The following CCDC170 variants were observed in gnomAD, a reference collection of about 807,000 sequenced individuals.
CCDC170 encodes the protein coiled-coil domain-containing protein 170.
CCDC170 carries 69 observed loss-of-function variants against 72.6 expected under a neutral mutation model. The observed-to-expected ratio is 0.95, with a 90% CI of 0.78 to 1.16. The LOEUF (loss-of-function observed/expected upper bound fraction) is 1.16, where lower values mean the gene tolerates loss of function less well. CCDC170 is among the 50% of genes most tolerant of loss of function. The pLI, the probability that CCDC170 is intolerant of heterozygous loss-of-function variation, is 0.00. For synonymous variants in CCDC170, 300 were observed against 303.9 expected (o/e 0.99, Z 0.13); for missense variants, 852 against 832.5 (o/e 1.02, Z -0.29).
chr6:151,616,921 C>G (rs1008687953), intron 10 of CCDC170, among the ~76,000 whole-genome samples: 4 of 152,190 alleles, frequency 2.6e-5, no homozygotes, highest in African/African-American at 9.6e-5. Flanking sequence ...AAGGCCCCAC[C>G]TCCTAATAGC....
At chr6:151,574,988 T>C (rs1776280751) in intron 6 of CCDC170, among the ~76,000 whole-genome samples, 1 of 152,098 alleles carries the variant, frequency 6.6e-6, no homozygotes, top group South Asian at 2.1e-4. Flanking sequence ...TGGAGAAAAA[T>C]GGTTTAATTC....
At chr6:151,532,499 C>T (rs944988581) in intron 1 of CCDC170, among the ~76,000 whole-genome samples, 18 of 151,350 alleles carry the variant, frequency 1.2e-4, no homozygotes, top group East Asian at 3.9e-4. Context: ...CCCAGCTACT[C>T]GGGAGGCTGA....
chr6:151,567,539 A>G (rs771685706), intron 5 of CCDC170, among the ~76,000 whole-genome samples: 1 of 152,202 alleles, frequency 6.6e-6, no homozygotes, highest in African/African-American at 2.4e-5. Flanking sequence ...TCTGAAACAA[A>G]TGTGTTTTCA....
At chr6:151,615,200 A>T (rs529248533) in intron 9 of CCDC170, among the ~76,000 whole-genome samples, 207 of 152,308 alleles carry the variant, frequency 1.4e-3, no homozygotes, top group South Asian at 3.3e-3. Flanking sequence ...TGCTGTCTAC[A>T]GTTTTATCTC....
chr6:151,570,104 T>G (rs1021148408), intron 5 of CCDC170, among the ~76,000 whole-genome samples: 2 of 152,238 alleles, frequency 1.3e-5, no homozygotes, highest in Admixed American at 6.5e-5. Context: ...AAATTCCTCA[T>G]AGTTGAAATA....
intron 5 of CCDC170, among the ~76,000 whole-genome samples, chr6:151,570,633 G>A (rs1379897167): frequency 1.3e-5 from 2 of 152,142 alleles, no homozygotes; most frequent in South Asian, 2.1e-4. Context: ...CATATCTTCC[G>A]GGGTCCTAGA....
At chr6:151,499,002 T>C (rs576887584) in intron 1 of CCDC170, among the ~76,000 whole-genome samples, 320 of 148,338 alleles carry the variant, frequency 2.2e-3, no homozygotes, top group African/African-American at 7.7e-3. Context: ...GGAATCAGAC[T>C]GTATTTGACT....
chr6:151,540,864 C>CT (rs1302813675), intron 3 of CCDC170, among the ~76,000 whole-genome samples: 3 of 152,184 alleles, frequency 2.0e-5, no homozygotes, highest in African/African-American at 7.2e-5. Context: ...TTTCCTGCCT[C>CT]TGACTGTGCC....
At chr6:151,587,120 C>A (rs915686033) in intron 7 of CCDC170, among the ~76,000 whole-genome samples, 3 of 151,962 alleles carry the variant, frequency 2.0e-5, no homozygotes, top group Non-Finnish European at 4.4e-5. Flanking sequence ...GTGATGTCCC[C>A]GTGGAGCTGA....
chr6:151,547,351 G>A lies in CCDC170; in HGVS notation c.589-953G>A, dbSNP rs563175903. Among the ~76,000 whole-genome samples the A allele has an allele frequency of 1.1e-4, 16 of 152,264 alleles. No homozygotes were observed. The East Asian group carries it at 2.1e-3, about 20-fold the overall frequency. On this transcript the variant is annotated intron_variant, in intron 4 of 10. Coordinates refer to ENST00000239374, the MANE Select transcript of CCDC170 (RefSeq NM_025059.4). ...AAGAAATAACCAAATAAATATCTAC[G>A]ATTGCTCCACATGGTGAAAGGTGCA...
intron 6 of CCDC170, among the ~76,000 whole-genome samples, chr6:151,582,567 T>A (rs895789032): frequency 2.6e-5 from 4 of 152,196 alleles, no homozygotes; most frequent in Non-Finnish European, 5.9e-5. Context: ...TTAGTCCTTT[T>A]GTGTTGCCAT....
chr6:151,519,731 G>C (rs1782290660), intron 1 of CCDC170, among the ~76,000 whole-genome samples: 1 of 152,178 alleles, frequency 6.6e-6, no homozygotes, highest in Admixed American at 6.5e-5. Flanking sequence ...TTCTAGGAAA[G>C]GGATGAGGAA....
intron 5 of CCDC170, 67 bp from the exon 6 acceptor site, chr6:151,573,107 A>T: frequency 2.1e-6 from 3 of 1,418,628 alleles, no homozygotes; most frequent in Non-Finnish European, 2.9e-6. Flanking sequence ...TGAATTTGCC[A>T]TAGCAAATGC....
At chr6:151,523,830 A>G (rs1782361505) in intron 1 of CCDC170, among the ~76,000 whole-genome samples, 1 of 152,238 alleles carries the variant, frequency 6.6e-6, no homozygotes, top group African/African-American at 2.4e-5. Context: ...GCACAACAAA[A>G]GCATTGCAAA....
At chr6:151,509,331 T>A (rs907941595) in intron 1 of CCDC170, among the ~76,000 whole-genome samples, 1 of 152,194 alleles carries the variant, frequency 6.6e-6, no homozygotes, top group Admixed American at 6.6e-5. Context: ...CATTCCTTTC[T>A]CAGTGGCTAT....
chr6:151,582,587 C>T (rs893671032), intron 6 of CCDC170, among the ~76,000 whole-genome samples: 1 of 151,992 alleles, frequency 6.6e-6, no homozygotes. Flanking sequence ...TAAAAGAATA[C>T]CTGAGGCTGA....
chr6:151,576,278 G>A (rs1479062643), intron 6 of CCDC170, among the ~76,000 whole-genome samples: 3 of 152,314 alleles, frequency 2.0e-5, no homozygotes, highest in East Asian at 1.9e-4. Context: ...TAGGGTAGGC[G>A]AAGCCATGAT....
intron 9 of CCDC170, among the ~76,000 whole-genome samples, chr6:151,610,619 T>C (rs777545368): frequency 6.6e-6 from 1 of 152,222 alleles, no homozygotes; most frequent in Non-Finnish European, 1.5e-5. Context: ...CAGATAGATA[T>C]TAACATTGAG....
chr6:151,576,316 A>C (rs1222888485), intron 6 of CCDC170, among the ~76,000 whole-genome samples: 1 of 152,100 alleles, frequency 6.6e-6, no homozygotes, highest in Non-Finnish European at 1.5e-5. Flanking sequence ...TATTAAATGC[A>C]TTTCTGACTT....
Sources: gnomAD v4.1 joint callset for allele counts (sites outside exome capture counted in the v4.1 genomes callset) on GRCh38, gnomAD v4.1.1 for gene constraint, MANE v1.5 for transcripts, NCBI Gene and HGNC (gene_info 2026-07-23, HGNC 2026-07-21) for gene names.